Variants in ZNF423 observed in about 807,000 individuals in gnomAD.
ZNF423 encodes zinc finger protein 423.
Under a neutral mutation model 95.8 loss-of-function variants are expected in ZNF423, and 12 were observed. The ratio of observed to expected loss-of-function variants is 0.13; its 90% CI spans 0.08 to 0.20. The LOEUF is 0.20. ZNF423 is among the 10% of genes least tolerant of loss of function. ZNF423 has a pLI of 1.00. For synonymous variants in ZNF423, 749 were observed against 711.9 expected (o/e 1.05, Z -0.83); for missense variants, 1,316 against 1,737.1 (o/e 0.76, Z 4.31).
At position 49,492,485 on chromosome 16, in the gene ZNF423, G is replaced by A. The variant is rs1309621445; in HGVS notation, c.3850-1181C>T. Among the ~76,000 whole-genome samples the A allele has an allele frequency of 1.4e-5, 2 of 145,088 alleles. No homozygotes were observed. Among genetic ancestry groups the A allele is most frequent in the Admixed American group, 6.7e-5 (1 of 15,000 alleles). Reference sequence around the variant, plus strand: ...GCCCGGAGGCCGAGGCCGGGGCCGGGGCCGGGGCCGGGGCCGAGACGGGCC... The same window carrying A: ...GCCCGGAGGCCGAGGCCGGGGCCGGAGCCGGGGCCGGGGCCGAGACGGGCC... On this transcript the variant is annotated intron_variant, in intron 7 of 7. Transcript: ENST00000563137. The surrounding 1 kb of genome is among the most constrained non-coding windows in gnomAD (Gnocchi z 4.2).
At chr16:49,534,348 G>A (rs55983338) in intron 5 of ZNF423, among the ~76,000 whole-genome samples, 3,619 of 151,918 alleles carry the variant, frequency 0.024, 74 homozygotes, top group Admixed American at 0.05. Context: ...CCATCTCCTG[G>A]GCTCAAGCGA....
At chr16:49,514,744 T>A (rs1020499135) in intron 7 of ZNF423, among the ~76,000 whole-genome samples, 1 of 152,236 alleles carries the variant, frequency 6.6e-6, no homozygotes, top group Non-Finnish European at 1.5e-5. Context: ...AACGCTGGGC[T>A]GGCCGCTTTG....
intron 1 of ZNF423, among the ~76,000 whole-genome samples, chr16:49,829,542 A>G (rs1470257257): frequency 1.3e-5 from 2 of 152,236 alleles, no homozygotes; most frequent in Non-Finnish European, 2.9e-5. Flanking sequence ...TGTCCAGACC[A>G]GCATCCATGT....
intron 5 of ZNF423, among the ~76,000 whole-genome samples, chr16:49,615,947 C>T (rs773927260): frequency 1.3e-4 from 20 of 152,296 alleles, no homozygotes; most frequent in Non-Finnish European, 2.4e-4. Context: ...CCGCTGCATA[C>T]GTTTCATTTT....
intron 5 of ZNF423, among the ~76,000 whole-genome samples, chr16:49,602,939 G>C (rs868216895): frequency 6.6e-6 from 1 of 152,228 alleles, no homozygotes; most frequent in African/African-American, 2.4e-5. Context: ...AGCTGCCGGC[G>C]GGCGATCAGC....
rs139670397 is a variant in ZNF423 at position 49,522,422 on chromosome 16, G to A, written c.3849+1202C>T. The stretch of plus-strand genomic sequence containing the variant: ...AAACGTGGATGGGCATGGACCCTCC[G>A]TGGGCCTGGGTCACTAAGTGAATAT... On this transcript the variant is annotated intron_variant, in intron 7 of 7. Transcript: ENST00000563137. Among the ~76,000 whole-genome samples, 615 of 152,224 alleles carry A rather than the reference G, an allele frequency of 4.0e-3. 5 individuals are homozygous for A. Among genetic ancestry groups the A allele is most frequent in the Middle Eastern group, 6.8e-3 (2 of 294 alleles).
At chr16:49,810,052 C>G (rs2034727538) in intron 1 of ZNF423, among the ~76,000 whole-genome samples, 1 of 152,160 alleles carries the variant, frequency 6.6e-6, no homozygotes, top group Admixed American at 6.5e-5. Flanking sequence ...ACTCTTTGGC[C>G]TGGGGATATG....
intron 5 of ZNF423, among the ~76,000 whole-genome samples, chr16:49,621,181 G>T (rs1972066829): frequency 6.6e-6 from 1 of 152,196 alleles, no homozygotes; most frequent in African/African-American, 2.4e-5. Context: ...CCGGCAGGAG[G>T]CCACAGCACA....
At chr16:49,529,133 T>A (rs994257417) in intron 5 of ZNF423, among the ~76,000 whole-genome samples, 1 of 150,596 alleles carries the variant, frequency 6.6e-6, no homozygotes, top group Non-Finnish European at 1.5e-5. Flanking sequence ...TCTGTGCCTT[T>A]TTTTTTTTTA....
intron 3 of ZNF423, among the ~76,000 whole-genome samples, chr16:49,706,592 A>G (rs80228929): frequency 6.6e-6 from 1 of 152,380 alleles, no homozygotes; most frequent in African/African-American, 2.4e-5. Flanking sequence ...CACCAAACAC[A>G]GAATCCAGGT....
chr16:49,618,513 G>A (rs991054370), intron 5 of ZNF423, among the ~76,000 whole-genome samples: 2 of 152,130 alleles, frequency 1.3e-5, no homozygotes, highest in African/African-American at 4.8e-5. Flanking sequence ...TTCATAAGGT[G>A]CTCTTCCCCC....
At chr16:49,826,886 C>A (rs2035010493) in intron 1 of ZNF423, 1 of 152,158 alleles carries the variant, frequency 6.6e-6, no homozygotes, top group South Asian at 2.1e-4. Flanking sequence ...TTCTCTCTGA[C>A]CTTTGAAAAG....
At chr16:49,811,596 C>A (rs2034753373) in intron 1 of ZNF423, among the ~76,000 whole-genome samples, 1 of 152,128 alleles carries the variant, frequency 6.6e-6, no homozygotes, top group South Asian at 2.1e-4. Context: ...GGCTGCCGAC[C>A]CCCTGGTCAG....
intron 5 of ZNF423, among the ~76,000 whole-genome samples, chr16:49,552,781 G>A (rs1318534245): frequency 6.6e-6 from 1 of 152,068 alleles, no homozygotes; most frequent in East Asian, 1.9e-4. Context: ...GGTGATGGAA[G>A]GCAGCTTGTA....
intron 5 of ZNF423, among the ~76,000 whole-genome samples, chr16:49,620,885 C>T (rs1335665737): frequency 1.3e-5 from 2 of 152,340 alleles, no homozygotes; most frequent in East Asian, 3.9e-4. Flanking sequence ...GGTGAGGTGC[C>T]ATGTGCCCCA....
At chr16:49,647,516 T>C (rs991135814) in intron 3 of ZNF423, among the ~76,000 whole-genome samples, 3 of 152,160 alleles carry the variant, frequency 2.0e-5, no homozygotes, top group African/African-American at 7.2e-5. Context: ...TCCACATGGG[T>C]CTGTTGTAAT....
intron 3 of ZNF423, among the ~76,000 whole-genome samples, chr16:49,714,298 T>C (rs2032636759): frequency 6.6e-6 from 1 of 152,090 alleles, no homozygotes; most frequent in Non-Finnish European, 1.5e-5. Context: ...AGGGATCTGG[T>C]CTACTCAGGG....
intron 7 of ZNF423, among the ~76,000 whole-genome samples, chr16:49,519,043 G>T (rs1232396334): frequency 1.3e-5 from 2 of 152,188 alleles, no homozygotes; most frequent in East Asian, 3.8e-4. Flanking sequence ...CAGCCTGGGT[G>T]ACAGAGCCAG....
chr16:49,807,504 A>G (rs1215166057), intron 1 of ZNF423, among the ~76,000 whole-genome samples: 1 of 152,038 alleles, frequency 6.6e-6, no homozygotes, highest in African/African-American at 2.4e-5. Flanking sequence ...GGTTCCAAAC[A>G]CTTTTTCATT....
Sources: gnomAD v4.1 joint callset for allele counts (sites outside exome capture counted in the v4.1 genomes callset) on GRCh38, gnomAD v4.1.1 for gene constraint, Gnocchi (gnomAD v3.1) non-coding constraint, MANE v1.5 for transcripts, NCBI Gene and HGNC (gene_info 2026-07-23, HGNC 2026-07-21) for gene names.